Variants in SHANK2 observed in about 807,000 individuals in gnomAD.
SHANK2 encodes SH3 and multiple ankyrin repeat domains protein 2.
SHANK2 carries 43 observed loss-of-function variants against 133.7 expected under a neutral mutation model. The ratio of observed to expected loss-of-function variants is 0.32; its 90% CI spans 0.25 to 0.41. The LOEUF is 0.41. SHANK2 is among the 10% of genes least tolerant of loss of function. SHANK2 has a pLI of 1.00. For missense variants in SHANK2, 1,994 were observed against 2,235.8 expected (o/e 0.89, Z 2.18); for synonymous variants, 1,017 against 952.8 (o/e 1.07, Z -1.24).
intron 9 of SHANK2, among the ~76,000 whole-genome samples, chr11:71,066,248 T>TG (rs1334660770): frequency 0.02 from 8 of 398 alleles, no homozygotes; most frequent in East Asian, 0.062. Context: ...GTGGGGAAGT[T>TG]GGCGGGGGAG....
chr11:70,854,981 C>T (rs981272539), intron 11 of SHANK2, among the ~76,000 whole-genome samples: 1 of 152,218 alleles, frequency 6.6e-6, no homozygotes, highest in Non-Finnish European at 1.5e-5. Flanking sequence ...AGAAACCCAC[C>T]CCCAGATGTT....
intron 11 of SHANK2, among the ~76,000 whole-genome samples, chr11:70,890,506 C>CA (rs1949823792): frequency 2.5e-5 from 3 of 117,858 alleles, no homozygotes; most frequent in African/African-American, 3.3e-5. Context: ...ACAAAAAAAA[C>CA]AAAAAAACAG....
chr11:71,138,712 A>T (rs1330151878), intron 3 of SHANK2, among the ~76,000 whole-genome samples: 1 of 150,648 alleles, frequency 6.6e-6, no homozygotes, highest in Non-Finnish European at 1.5e-5. Flanking sequence ...AAGCAGGAAG[A>T]TCCCTTGAGC....
At chr11:70,678,220 C>G (rs537650694) in intron 15 of SHANK2, among the ~76,000 whole-genome samples, 1 of 152,300 alleles carries the variant, frequency 6.6e-6, no homozygotes, top group African/African-American at 2.4e-5. Flanking sequence ...GATCTTGGCT[C>G]ACTGCAACCT....
At chr11:70,660,070 G>T in intron 16 of SHANK2, 118 bp from the exon 17 acceptor site, 1 of 1,272,036 alleles carries the variant, frequency 7.9e-7, no homozygotes, top group Non-Finnish European at 1.1e-6. Flanking sequence ...CATTGCAGGT[G>T]GCTAGTCCAG....
At chr11:71,198,530 G>A (rs1221138669) in intron 2 of SHANK2, among the ~76,000 whole-genome samples, 4 of 152,156 alleles carry the variant, frequency 2.6e-5, no homozygotes, top group African/African-American at 9.7e-5. Flanking sequence ...CCAGGACCCT[G>A]TCAGGAACAT....
At chr11:70,784,077 C>T (rs550471425) in intron 14 of SHANK2, among the ~76,000 whole-genome samples, 3 of 152,262 alleles carry the variant, frequency 2.0e-5, no homozygotes, top group South Asian at 2.1e-4. Context: ...GGGGCAAAGC[C>T]GGGATGTTTC....
intron 7 of SHANK2, 114 bp downstream of exon 7, chr11:71,094,422 TG>T: frequency 9.9e-7 from 1 of 1,007,636 alleles, no homozygotes. Context: ...ACTCCTAGGG[TG>T]GGCCGGAACA....
rs1172394516 is a variant in SHANK2 at position 71,069,409 on chromosome 11, TCACC to T, written c.1029+5746_1029+5749del. Reference sequence around the variant, plus strand: ...ACCTTCATCATTATCACCATCAGCCTCACCATCACCACCTTCATCATCACCACCA... The same window carrying T: ...ACCTTCATCATTATCACCATCAGCCTATCACCACCTTCATCATCACCACCA... On this transcript the variant is annotated intron_variant, in intron 9 of 25. Transcript: ENST00000601538. 5.3e-5 allele frequency among the ~76,000 whole-genome samples: 8 copies of T among 151,664 alleles called. No individual in the cohort carries two copies. In the Middle Eastern group the frequency reaches 0.021, roughly 392 times the overall value.
At chr11:70,942,846 A>G in intron 10 of SHANK2, 1 of 456,780 alleles carries the variant, frequency 2.2e-6, no homozygotes, top group South Asian at 1.5e-5. Flanking sequence ...ACATGGAGCC[A>G]TAAGACCAGA....
chr11:70,515,858 A>G (rs139539616), intron 17 of SHANK2, among the ~76,000 whole-genome samples: 47 of 152,178 alleles, frequency 3.1e-4, no homozygotes, highest in Admixed American at 2.9e-3. Context: ...AATTTTCAGG[A>G]ACTCTTATTT....
At chr11:70,617,221 T>TTG (rs145833674) in intron 17 of SHANK2, among the ~76,000 whole-genome samples, 10 of 151,564 alleles carry the variant, frequency 6.6e-5, no homozygotes, top group African/African-American at 2.4e-4. Flanking sequence ...TCTGAGTGTG[T>TTG]TGTGTGTGTG....
chr11:70,792,295 T>TCAACCAACCAAC lies in SHANK2; in HGVS notation c.1777+6136_1777+6147dup, dbSNP rs34682780. The stretch of plus-strand genomic sequence containing the variant: ...GCCAGCCAGCCAGCCAAGCAATCAA[T>TCAACCAACCAAC]CAACCAACCAACCAACCAACCAACC... On this transcript the variant is annotated intron_variant, in intron 14 of 25. Coordinates refer to ENST00000601538, the MANE Select transcript of SHANK2 (RefSeq NM_012309.5). 4.4e-4 allele frequency among the ~76,000 whole-genome samples: 61 copies of TCAACCAACCAAC among 137,266 alleles called. 1 individual carries two copies. The highest frequency in any genetic ancestry group is 1.6e-3 in the African/African-American group (57 of 36,262). 90.1% of individuals were successfully genotyped at this position (137,266 alleles called of 152,430 possible).
At chr11:70,584,622 T>G (rs1200895219) in intron 17 of SHANK2, among the ~76,000 whole-genome samples, 1 of 152,102 alleles carries the variant, frequency 6.6e-6, no homozygotes, top group East Asian at 1.9e-4. Flanking sequence ...CACTGCCTAC[T>G]TAGTCTGCTC....
At chr11:70,686,730 C>T (rs1945162903) in intron 15 of SHANK2, among the ~76,000 whole-genome samples, 1 of 152,228 alleles carries the variant, frequency 6.6e-6, no homozygotes, top group Admixed American at 6.5e-5. Context: ...TTGCTTCTCA[C>T]TCTAGCTCTA....
At chr11:70,559,705 G>A (rs1016448825) in intron 17 of SHANK2, among the ~76,000 whole-genome samples, 4 of 152,056 alleles carry the variant, frequency 2.6e-5, no homozygotes, top group African/African-American at 7.2e-5. Context: ...GTCCTCCAAG[G>A]AGGACGTGCA....
At chr11:70,680,353 T>C (rs1945001273) in intron 15 of SHANK2, among the ~76,000 whole-genome samples, 1 of 152,190 alleles carries the variant, frequency 6.6e-6, no homozygotes, top group Non-Finnish European at 1.5e-5. Flanking sequence ...CTCACTGGGC[T>C]AAGACTGAGG....
At chr11:71,110,926 G>A (rs557233327) in intron 5 of SHANK2, among the ~76,000 whole-genome samples, 4 of 152,360 alleles carry the variant, frequency 2.6e-5, no homozygotes, top group South Asian at 4.1e-4. Flanking sequence ...TGAAGCCCTC[G>A]TGAATGGGAT....
At chr11:71,171,058 C>T (rs553766801) in intron 2 of SHANK2, among the ~76,000 whole-genome samples, 4 of 152,338 alleles carry the variant, frequency 2.6e-5, no homozygotes, top group Non-Finnish European at 5.9e-5. Context: ...AGACGGCCAA[C>T]TTCTAGCTGC....
Sources: gnomAD v4.1 joint callset for allele counts (sites outside exome capture counted in the v4.1 genomes callset) on GRCh38, gnomAD v4.1.1 for gene constraint, MANE v1.5 for transcripts, NCBI Gene and HGNC (gene_info 2026-07-23, HGNC 2026-07-21) for gene names.